VIL1: variants seen among roughly 807,000 people sequenced by gnomAD.
VIL1 encodes villin 1, also known as villin-1.
In VIL1, 86 loss-of-function variants were observed where a neutral mutation model predicts 104.0. The ratio of observed to expected loss-of-function variants is 0.83; its 90% confidence interval spans 0.69 to 0.99. VIL1 has a LOEUF of 0.99. VIL1 is among the 50% of genes least tolerant of loss of function. The pLI, the probability that VIL1 is intolerant of heterozygous loss-of-function variation, is 0.00. For synonymous variants in VIL1, 394 were observed against 412.6 expected (o/e 0.95, Z 0.55); for missense variants, 944 against 1,054.1 (o/e 0.90, Z 1.45).
rs914794757 is a variant in VIL1, at chr2:218,450,948, G to C, written c.*1612G>C. ...TGTGTAAGTATGATACAATGAATGA[G>C]ACTGCCTGAAGTCTAGTAATCAAAG... On this transcript the variant is annotated 3_prime_UTR_variant, in exon 20 of 20. Transcript: ENST00000248444. 6.6e-6 allele frequency: 1 copy of C among 152,164 alleles called. No homozygotes were observed. Among genetic ancestry groups the C allele is most frequent in the African/African-American group, 2.4e-5 (1 of 41,414 alleles). 9.4% of individuals were successfully genotyped at this position (152,164 alleles called of 1,614,324 possible). A position where few individuals can be genotyped will look rare whatever the true frequency, so the allele number is the denominator to read the frequency against.
At chr2:218,427,883 C>T (rs1050397184) in intron 4 of VIL1, 82 bp from the exon 5 acceptor site, 33 of 1,345,072 alleles carry the variant, frequency 2.5e-5, no homozygotes, top group African/African-American at 1.3e-4. Flanking sequence ...GTGACCCCAG[C>T]GTGGCAGCCA....
intron 4 of VIL1, among the ~76,000 whole-genome samples, chr2:218,427,471 C>A (rs1345418746): frequency 6.6e-6 from 1 of 151,908 alleles, no homozygotes; most frequent in Non-Finnish European, 1.5e-5. Context: ...ATTACAGGCA[C>A]CCGCCACCAT....
chr2:218,444,392 T>G (rs1391068279), intron 19 of VIL1, among the ~76,000 whole-genome samples: 14 of 150,550 alleles, frequency 9.3e-5, no homozygotes, highest in African/African-American at 3.2e-4. Context: ...CCATTCTCCT[T>G]CCTCAGCCTC....
At chr2:218,444,343 G>T (rs774333205) in intron 19 of VIL1, among the ~76,000 whole-genome samples, 1 of 151,180 alleles carries the variant, frequency 6.6e-6, no homozygotes, top group African/African-American at 2.4e-5. Context: ...GCAGTGGCAC[G>T]ATCTCGGTTC....
Position 218,431,829 on chromosome 2 carries a change from G to A in VIL1, c.1103-28G>A, listed in dbSNP as rs769304074. On this transcript the variant is annotated intron_variant, in intron 10 of 19. Coordinates refer to ENST00000248444, the MANE Select transcript of VIL1 (RefSeq NM_007127.3). ...ACCTGGGAGACCTCAGCTGGTGACA[G>A]TTGGTTTCATGATTTCCCCCACTCT... is the stretch of plus-strand genomic sequence containing the variant. 39 of 1,596,810 alleles carry A rather than the reference G, an allele frequency of 2.4e-5. 1 individual carries two copies. Among genetic ancestry groups the A allele is most frequent in the Non-Finnish European group, 3.1e-5 (36 of 1,168,838 alleles).
chr2:218,432,728 G>A, intron 12 of VIL1, 65 bp from the exon 13 acceptor site: 1 of 1,596,376 alleles, frequency 6.3e-7, no homozygotes, highest in Non-Finnish European at 8.5e-7. Context: ...TGTTGCTGAG[G>A]CTGAGGATGG....
chr2:218,431,790 G>T (rs1216540734), intron 10 of VIL1, 67 bp from the exon 11 acceptor site: 3 of 1,320,472 alleles, frequency 2.3e-6, no homozygotes, highest in Admixed American at 1.9e-5. Context: ...CCACCATTCA[G>T]GGCTGTTGTG....
chr2:218,423,890 T>G, intron 2 of VIL1, 37 bp downstream of exon 2: 1 of 1,611,120 alleles, frequency 6.2e-7, no homozygotes, highest in Non-Finnish European at 8.5e-7. Flanking sequence ...TGCTCAGGCC[T>G]GGGGTGGAGG....
intron 19 of VIL1, among the ~76,000 whole-genome samples, chr2:218,448,484 T>C (rs780654300): frequency 1.7e-4 from 25 of 151,024 alleles, no homozygotes; most frequent in Non-Finnish European, 2.8e-4. Context: ...GTTATTTGAA[T>C]CTGGGAGGTG....
At chr2:218,438,605 T>C in intron 17 of VIL1, 53 bp from the exon 18 acceptor site, 2 of 1,532,106 alleles carry the variant, frequency 1.3e-6, no homozygotes, top group Non-Finnish European at 1.8e-6. Flanking sequence ...TGGCTTCTCA[T>C]CCATCTCCTC....
intron 18 of VIL1, among the ~76,000 whole-genome samples, chr2:218,440,467 A>G (rs1159791022): frequency 6.6e-6 from 1 of 152,100 alleles, no homozygotes; most frequent in African/African-American, 2.4e-5. Context: ...ATGCGGTTTC[A>G]CCATGTTAGA....
chr2:218,435,187 C>T (rs1689167617), intron 14 of VIL1, 102 bp from the exon 15 acceptor site: 9 of 1,514,254 alleles, frequency 5.9e-6, no homozygotes, highest in Non-Finnish European at 7.2e-6. Flanking sequence ...AGGTCCTGAC[C>T]CAGGAGAGCC....
chr2:218,420,979 C>T (rs1476963287), intron 1 of VIL1, among the ~76,000 whole-genome samples: 2 of 152,112 alleles, frequency 1.3e-5, no homozygotes, highest in Non-Finnish European at 2.9e-5. Context: ...CTCCAACTTA[C>T]AAACAGGTTA....
At chr2:218,434,276 G>A (rs1027646424) in intron 13 of VIL1, among the ~76,000 whole-genome samples, 4 of 151,674 alleles carry the variant, frequency 2.6e-5, no homozygotes, top group East Asian at 3.8e-4. Context: ...TTGCATCTTC[G>A]TCATGTGGGG....
intron 19 of VIL1, among the ~76,000 whole-genome samples, chr2:218,442,134 T>C (rs1689294446): frequency 6.6e-6 from 1 of 152,030 alleles, no homozygotes; most frequent in Non-Finnish European, 1.5e-5. Context: ...CAAGTCATGG[T>C]GGAGGAGGTG....
At chr2:218,441,343 C>T (rs1689281033) in intron 19 of VIL1, among the ~76,000 whole-genome samples, 2 of 150,744 alleles carry the variant, frequency 1.3e-5, no homozygotes, top group Non-Finnish European at 3.0e-5. Flanking sequence ...GAGTCAAGAT[C>T]ATGCCACTGC....
chr2:218,435,199 T>C, intron 14 of VIL1, 90 bp from the exon 15 acceptor site: 1 of 1,552,072 alleles, frequency 6.4e-7, no homozygotes, highest in East Asian at 2.3e-5. Context: ...AGGAGAGCCC[T>C]CTTTGACCCC....
At chr2:218,447,182 T>C (rs1306041755) in intron 19 of VIL1, among the ~76,000 whole-genome samples, 3 of 152,176 alleles carry the variant, frequency 2.0e-5, no homozygotes, top group East Asian at 1.9e-4. Context: ...CTCCATCCAT[T>C]AGGGCTGGAT....
intron 10 of VIL1, 189 bp downstream of exon 10, chr2:218,431,067 G>A (rs1689087520): frequency 1.3e-6 from 1 of 782,620 alleles, no homozygotes; most frequent in South Asian, 1.9e-5. Flanking sequence ...GAGCTGAGAG[G>A]GCTGGGCATG....
Sources: allele counts gnomAD v4.1 joint callset (sites outside exome capture counted in the v4.1 genomes callset), GRCh38; gene constraint gnomAD v4.1.1; transcripts MANE v1.5; gene names NCBI Gene and HGNC (gene_info 2026-07-23, HGNC 2026-07-21).